Variants in CHIC1 observed in about 807,000 individuals in gnomAD.
CHIC1 encodes cysteine-rich hydrophobic domain-containing protein 1.
Under a neutral mutation model 18.5 loss-of-function variants are expected in CHIC1, and 7 were observed. The ratio of observed to expected loss-of-function variants is 0.38; its 90% CI spans 0.22 to 0.71. The LOEUF (loss-of-function observed/expected upper bound fraction) is 0.71, where lower values mean the gene tolerates loss of function less well. CHIC1 is among the 30% of genes least tolerant of loss of function. The pLI is 0.49. For missense variants in CHIC1, 159 were observed against 176.9 expected (o/e 0.90, Z 0.57); for synonymous variants, 77 against 73.5 (o/e 1.05, Z -0.25).
intron 3 of CHIC1, among the ~76,000 whole-genome samples, chrX:73,595,001 T>C (rs1226522754): frequency 8.9e-6 from 1 of 111,766 alleles, no homozygotes; most frequent in Non-Finnish European, 1.9e-5. Context: ...CACTTATTTA[T>C]TGATGGACAC....
intron 1 of CHIC1, among the ~76,000 whole-genome samples, chrX:73,571,826 C>T (rs1207207879): frequency 9.0e-6 from 1 of 110,717 alleles, no homozygotes; most frequent in Non-Finnish European, 1.9e-5. Flanking sequence ...TATTTATGTA[C>T]AGGTATGTAT....
chrX:73,620,518 A>G (rs1174578967), intron 3 of CHIC1, among the ~76,000 whole-genome samples: 4 of 111,770 alleles, frequency 3.6e-5, no homozygotes, highest in East Asian at 5.6e-4. Context: ...AGAAGTGTCT[A>G]TTCATATCCT....
Position 73,602,948 on chromosome X carries a change from G to A in CHIC1, c.507+18376G>A, listed in dbSNP as rs190616913. 3.3e-3 allele frequency among the ~76,000 whole-genome samples: 354 copies of A among 108,737 alleles called. 6 individuals are homozygous for A. The highest frequency in any genetic ancestry group is 7.5e-3 in the South Asian group (20 of 2,658). 94.4% of individuals were successfully genotyped at this position (108,737 alleles called of 115,157 possible). The stretch of plus-strand genomic sequence containing the variant: ...GTAGTATAATTCGAAGTCAGATAGC[G>A]TGATGCCTCCAGCTTTGTTTTTGCT... On this transcript the variant is annotated intron_variant, in intron 3 of 5. Coordinates refer to ENST00000373502, the MANE Select transcript of CHIC1 (RefSeq NM_001039840.4).
intron 3 of CHIC1, among the ~76,000 whole-genome samples, chrX:73,672,985 G>A (rs760380016): frequency 9.0e-6 from 1 of 111,598 alleles, no homozygotes; most frequent in South Asian, 3.7e-4. Context: ...TCTACATATG[G>A]CTAGCCAGTT....
chrX:73,599,815 G>T (rs1208352066), intron 3 of CHIC1, among the ~76,000 whole-genome samples: 2 of 106,456 alleles, frequency 1.9e-5, no homozygotes, highest in African/African-American at 7.4e-5. Flanking sequence ...TGGCAATGTG[G>T]GCTCTTTTTT....
intron 3 of CHIC1, among the ~76,000 whole-genome samples, chrX:73,659,312 G>A (rs1569504988): frequency 9.6e-6 from 1 of 103,695 alleles, no homozygotes; most frequent in Non-Finnish European, 2.0e-5. Context: ...AAGAAGGTTT[G>A]TGTTTTTCCT....
intron 3 of CHIC1, among the ~76,000 whole-genome samples, chrX:73,636,097 T>G (rs984720474): frequency 8.9e-6 from 1 of 112,089 alleles, no homozygotes; most frequent in African/African-American, 3.2e-5. Flanking sequence ...TGACCATTTT[T>G]TAATATGTTG....
At chrX:73,582,342 T>A (rs66586239) in intron 2 of CHIC1, among the ~76,000 whole-genome samples, 5,283 of 110,635 alleles carry the variant, frequency 0.048, 320 homozygotes, top group African/African-American at 0.16. Flanking sequence ...ATTTTTTCTT[T>A]ATTTTAACTT....
rs1472783972 is a variant in CHIC1, at chrX:73,658,254, T to TG, written c.508-21072_508-21071insG. ...CTGTGAATCCTGGTCCTAGGTTTTT[T>TG]TTTTTTTTTTTTTTTTTTTTTTTTT... On this transcript the variant is annotated intron_variant, in intron 3 of 5. Transcript: ENST00000373502. Among the ~76,000 whole-genome samples, 17 of 82,156 alleles carry TG rather than the reference T, an allele frequency of 2.1e-4. No individual in the cohort carries two copies. The South Asian group carries it at 9.3e-3, about 45-fold the overall frequency. 71.3% of individuals were successfully genotyped at this position (82,156 alleles called of 115,157 possible). A position where few individuals can be genotyped will look rare whatever the true frequency, so the allele number is the denominator to read the frequency against.
At chrX:73,642,891 G>T (rs2057865499) in intron 3 of CHIC1, among the ~76,000 whole-genome samples, 2 of 108,864 alleles carry the variant, frequency 1.8e-5, no homozygotes, top group African/African-American at 6.6e-5. Flanking sequence ...TCTCTGTTTT[G>T]GTACCAGTAC....
intron 3 of CHIC1, among the ~76,000 whole-genome samples, chrX:73,631,173 T>G (rs1237744887): frequency 8.9e-6 from 1 of 111,874 alleles, no homozygotes; most frequent in East Asian, 2.8e-4. Context: ...TTTGTCAATT[T>G]TCTTTATCTT....
chrX:73,655,470 ATATACATATATACACAATATT>A (rs2057940167), intron 3 of CHIC1, among the ~76,000 whole-genome samples: 2 of 72,213 alleles, frequency 2.8e-5, no homozygotes, highest in Non-Finnish European at 5.7e-5. Flanking sequence ...GTGTATATAT[ATATACATATATACACAATATT>A]GTGTATATAT....
At chrX:73,679,437 G>GA (rs2058086791) in intron 4 of CHIC1, 55 bp downstream of exon 4, 3 of 850,067 alleles carry the variant, frequency 3.5e-6, no homozygotes, top group South Asian at 4.8e-5. Context: ...GCATTAAATT[G>GA]AAAAATAAAT....
At chrX:73,668,876 G>A (rs761308271) in intron 3 of CHIC1, among the ~76,000 whole-genome samples, 1 of 112,659 alleles carries the variant, frequency 8.9e-6, no homozygotes, top group South Asian at 3.6e-4. Flanking sequence ...GAGCAGCTGT[G>A]CTGTGTTGGT....
intron 3 of CHIC1, among the ~76,000 whole-genome samples, chrX:73,657,449 A>G (rs2057956178): frequency 8.9e-6 from 1 of 111,973 alleles, no homozygotes; most frequent in Non-Finnish European, 1.9e-5. Flanking sequence ...TAGGAATGCC[A>G]GTGATTTTTG....
intron 3 of CHIC1, among the ~76,000 whole-genome samples, chrX:73,632,075 A>G (rs1192367663): frequency 1.8e-5 from 2 of 111,097 alleles, no homozygotes; most frequent in African/African-American, 6.6e-5. Context: ...ATTCAAGTCC[A>G]CTCTTTCCAT....
chrX:73,608,297 C>T (rs191807638), intron 3 of CHIC1, among the ~76,000 whole-genome samples: 1 of 109,213 alleles, frequency 9.2e-6, no homozygotes, highest in Admixed American at 9.6e-5. Flanking sequence ...TTTTTGATCA[C>T]TTGAGCTTTG....
intron 3 of CHIC1, among the ~76,000 whole-genome samples, chrX:73,674,762 C>T (rs183942539): frequency 0.015 from 1,607 of 110,728 alleles, 30 homozygotes; most frequent in African/African-American, 0.05. Context: ...TTATTTATTT[C>T]TTGCCTTCTG....
intron 3 of CHIC1, among the ~76,000 whole-genome samples, chrX:73,598,693 G>GTAAAAT (rs1569501642): frequency 1.8e-5 from 2 of 109,670 alleles, no homozygotes; most frequent in Non-Finnish European, 3.8e-5. Flanking sequence ...AGTATTCCAC[G>GTAAAAT]GTGTATATGT....
Sources: gnomAD v4.1 joint callset for allele counts (sites outside exome capture counted in the v4.1 genomes callset) on GRCh38, gnomAD v4.1.1 for gene constraint, MANE v1.5 for transcripts, NCBI Gene and HGNC (gene_info 2026-07-23, HGNC 2026-07-21) for gene names.